Variants in ZMYM4 observed in about 807,000 individuals in gnomAD.
ZMYM4 encodes zinc finger MYM-type containing 4, also known as zinc finger MYM-type protein 4.
A neutral mutation model predicts 183.2 loss-of-function variants in ZMYM4; 31 were observed. The observed-to-expected ratio is 0.17, with a 90% CI of 0.13 to 0.23. The LOEUF (loss-of-function observed/expected upper bound fraction) is 0.23, where lower values mean the gene tolerates loss of function less well. Among genes scored for constraint, ZMYM4 ranks in the 10% least tolerant of loss-of-function variants. The pLI is 1.00. For missense variants in ZMYM4, 1,273 were observed against 1,840.3 expected (o/e 0.69, Z 5.64); for synonymous variants, 592 against 631.2 (o/e 0.94, Z 0.93).
At chr1:35,271,378 C>T (rs1028838234) in intron 1 of ZMYM4, among the ~76,000 whole-genome samples, 2 of 151,434 alleles carry the variant, frequency 1.3e-5, no homozygotes, top group Admixed American at 6.6e-5. Context: ...AAAAAAGATA[C>T]CATACTGGTA....
chr1:35,273,061 T>C (rs1409322733), intron 1 of ZMYM4, among the ~76,000 whole-genome samples: 1 of 152,202 alleles, frequency 6.6e-6, no homozygotes, highest in Non-Finnish European at 1.5e-5. Flanking sequence ...AAATTCTAGG[T>C]AGGCCTGCCT....
At chr1:35,273,815 C>T (rs1172310342) in intron 1 of ZMYM4, among the ~76,000 whole-genome samples, 1 of 151,852 alleles carries the variant, frequency 6.6e-6, no homozygotes, top group Non-Finnish European at 1.5e-5. Flanking sequence ...GGAGGAGAAA[C>T]GAAAGAGAGT....
intron 1 of ZMYM4, among the ~76,000 whole-genome samples, chr1:35,284,127 C>G (rs992824099): frequency 6.6e-6 from 1 of 151,864 alleles, no homozygotes; most frequent in Non-Finnish European, 1.5e-5. Context: ...CAGGTGCCCG[C>G]CACCGCGCCC....
chr1:35,357,561 G>A (rs1479535786), intron 2 of ZMYM4, among the ~76,000 whole-genome samples: 1 of 152,144 alleles, frequency 6.6e-6, no homozygotes, highest in Non-Finnish European at 1.5e-5. Context: ...TTAGAACTAG[G>A]TGCTAAGTGG....
In ZMYM4 at chr1:35,399,548, G is replaced by A; in HGVS notation, c.3500G>A (p.Arg1167Lys). 6.2e-7 allele frequency: 1 copy of A among 1,614,126 alleles called. No individual in the cohort carries two copies. The highest frequency in any genetic ancestry group is 2.2e-5 in the East Asian group (1 of 44,870). ...QARSRTRRRHRDGFPQPRRRG... is the reference protein window; with the variant it reads ...QARSRTRRRHKDGFPQPRRRG... ...CGTTCCCGAACAAGACGACGACACA[G>A]AGATGGCTTCCCCCAACCCAGACGA... Residue 1167 changes from arginine to lysine, a missense_variant, in exon 23 of 30, where the codon AGA becomes AAA. Physicochemically the swap from Arg to Lys is conservative, Grantham distance 26 (BLOSUM62 2). This residue lies in a region of ZMYM4 where 133 missense variants were observed against 155.7 expected (regional missense o/e 0.85). Transcript: ENST00000314607.
At chr1:35,323,073 C>T (rs1383742744) in intron 1 of ZMYM4, among the ~76,000 whole-genome samples, 1 of 151,896 alleles carries the variant, frequency 6.6e-6, no homozygotes, top group African/African-American at 2.4e-5. Context: ...AATCTCGGCT[C>T]ACTGCAACCT....
At chr1:35,346,879 A>T (rs932386626) in intron 2 of ZMYM4, among the ~76,000 whole-genome samples, 1 of 152,202 alleles carries the variant, frequency 6.6e-6, no homozygotes, top group Admixed American at 6.5e-5. Flanking sequence ...GTGGTCAACA[A>T]ATATGACTTT....
rs1382367137 is a variant in ZMYM4 at position 35,416,753 on chromosome 1, G to A, written c.4309+1039G>A. ...TAATTTTTGTATTTTTAATAGAGAC[G>A]GGGTTTCACCATATTGGGCAAGCTG... is the stretch of plus-strand genomic sequence containing the variant. On this transcript the variant is annotated intron_variant, in intron 28 of 29. Transcript: ENST00000314607. Among the ~76,000 whole-genome samples the A allele has an allele frequency of 1.1e-4, 16 of 152,158 alleles. No homozygotes were observed. The East Asian group carries it at 2.3e-3, about 22-fold the overall frequency.
chr1:35,333,009 C>T (rs1325544279), intron 2 of ZMYM4, among the ~76,000 whole-genome samples: 3 of 152,134 alleles, frequency 2.0e-5, no homozygotes, highest in Non-Finnish European at 2.9e-5. Context: ...ATAGACCCCA[C>T]ATCTTAATAG....
chr1:35,303,664 C>T (rs1356777498), intron 1 of ZMYM4, among the ~76,000 whole-genome samples: 17 of 152,222 alleles, frequency 1.1e-4, no homozygotes, highest in Middle Eastern at 6.8e-3. Flanking sequence ...TGAGCCACAG[C>T]GCCCAGCCTA....
chr1:35,325,780 A>C (rs1388384909), intron 2 of ZMYM4, among the ~76,000 whole-genome samples: 4 of 152,174 alleles, frequency 2.6e-5, no homozygotes, highest in Non-Finnish European at 4.4e-5. Flanking sequence ...TGATTATAAA[A>C]GTAATACATT....
chr1:35,415,370 T>C, intron 27 of ZMYM4, 96 bp from the exon 28 acceptor site: 2 of 1,504,054 alleles, frequency 1.3e-6, no homozygotes, highest in Admixed American at 4.0e-5. Flanking sequence ...TAGTCAGTTT[T>C]TCTCTTTATA....
chr1:35,334,710 A>G (rs1272470507), intron 2 of ZMYM4, among the ~76,000 whole-genome samples: 2 of 152,196 alleles, frequency 1.3e-5, no homozygotes, highest in South Asian at 2.1e-4. Context: ...GATATACATA[A>G]TAGACAATCA....
intron 1 of ZMYM4, among the ~76,000 whole-genome samples, chr1:35,292,725 C>T (rs976171733): frequency 6.6e-6 from 1 of 152,116 alleles, no homozygotes; most frequent in Non-Finnish European, 1.5e-5. Context: ...ACCTCTAACT[C>T]CTAACATCAG....
chr1:35,352,491 C>T (rs1056256644), intron 2 of ZMYM4, among the ~76,000 whole-genome samples: 1 of 151,956 alleles, frequency 6.6e-6, no homozygotes, highest in Non-Finnish European at 1.5e-5. Context: ...TCCTTCAGTT[C>T]CTCTGAAGAA....
Position 35,352,386 on chromosome 1 carries a change from GCACACACACACACA to G in ZMYM4, c.86-6514_86-6501del, listed in dbSNP as rs374281470. Among the ~76,000 whole-genome samples, 29 of 128,392 alleles carry G rather than the reference GCACACACACACACA, an allele frequency of 2.3e-4. 1 individual carries two copies. Among genetic ancestry groups the G allele is most frequent in the South Asian group, 1.0e-3 (4 of 3,952 alleles). The allele number at this position is 128,392 out of a possible 152,430, so 84.2% of individuals were successfully genotyped here. A position where few individuals can be genotyped will look rare whatever the true frequency, so the allele number is the denominator to read the frequency against. On this transcript the variant is annotated intron_variant, in intron 2 of 29. Coordinates refer to ENST00000314607, the MANE Select transcript of ZMYM4 (RefSeq NM_005095.3). ...CTCTACTAATAATTTAAAAATTAGC[GCACACACACACACA>G]CACACACACACACACACACACACAG... is the stretch of plus-strand genomic sequence containing the variant.
chr1:35,344,665 T>C (rs1482367403), intron 2 of ZMYM4, among the ~76,000 whole-genome samples: 3 of 152,174 alleles, frequency 2.0e-5, no homozygotes, highest in Non-Finnish European at 4.4e-5. Flanking sequence ...CACTTTGCAT[T>C]TATGGGATAA....
rs72897164 is a variant in ZMYM4, at chr1:35,412,986, G to A, written c.3949-986G>A. Among the ~76,000 whole-genome samples, 491 of 152,098 alleles carry A rather than the reference G, an allele frequency of 3.2e-3. 6 individuals are homozygous for A. The highest frequency in any genetic ancestry group is 0.018 in the South Asian group (88 of 4,814). On this transcript the variant is annotated intron_variant, in intron 26 of 29. Transcript: ENST00000314607. The stretch of plus-strand genomic sequence containing the variant: ...TATCACGTAATTACATGCTGCCTTG[G>A]ATTCCGTTACTACTCATGGTGTGTC...
At chr1:35,354,623 A>ACCT (rs1643747067) in intron 2 of ZMYM4, among the ~76,000 whole-genome samples, 1 of 148,288 alleles carries the variant, frequency 6.7e-6, no homozygotes, top group South Asian at 2.2e-4. Context: ...GCTACTCAGG[A>ACCT]GGCTGAGGCA....
Sources: gnomAD v4.1 joint callset for allele counts (sites outside exome capture counted in the v4.1 genomes callset) on GRCh38, gnomAD v4.1.1 for gene constraint, gnomAD v4.1.1 regional missense constraint, MANE v1.5 for transcripts, NCBI Gene and HGNC (gene_info 2026-07-23, HGNC 2026-07-21) for gene names.